Variants in PCDH15 observed in about 807,000 individuals in gnomAD.
The protein encoded by PCDH15 is protocadherin related 15, also known as protocadherin-15.
In PCDH15, 129 loss-of-function variants were observed where a neutral mutation model predicts 178.5. The ratio of observed to expected loss-of-function variants is 0.72; its 90% CI spans 0.63 to 0.84. The LOEUF is 0.84. Among genes scored for constraint, PCDH15 ranks in the 40% least tolerant of loss-of-function variants. The probability of loss-of-function intolerance (pLI) is 0.00; values close to 1 mark genes in which losing one functional copy is unlikely to be tolerated. For synonymous variants in PCDH15, 800 were observed against 732.0 expected, an observed-to-expected ratio of 1.09 and a Z score of -1.50; for missense variants, 2,230 against 2,099.9, an observed-to-expected ratio of 1.06 and a Z score of -1.21.
At chr10:55,518,382 G>A (rs902474129) in intron 2 of PCDH15, among the ~76,000 whole-genome samples, 1 of 152,066 alleles carries the variant, frequency 6.6e-6, no homozygotes, top group African/African-American at 2.4e-5. Context: ...GAACAAAGCA[G>A]GAGCACTGTC....
At chr10:54,151,290 C>T (rs1418796612) in intron 14 of PCDH15, among the ~76,000 whole-genome samples, 1 of 151,974 alleles carries the variant, frequency 6.6e-6, no homozygotes, top group Non-Finnish European at 1.5e-5. Context: ...CCAGTAATCC[C>T]AGCACTTTGG....
At chr10:54,533,653 A>G (rs1006115201) in intron 2 of PCDH15, among the ~76,000 whole-genome samples, 1 of 152,014 alleles carries the variant, frequency 6.6e-6, no homozygotes, top group African/African-American at 2.4e-5. Context: ...TTTTTTTGTC[A>G]TCTTAGAATT....
chr10:54,146,935 A>G (rs4480445), intron 14 of PCDH15, among the ~76,000 whole-genome samples: 17,283 of 61,236 alleles, frequency 0.28, 1,193 homozygotes, highest in South Asian at 0.4. Flanking sequence ...TATATATATA[A>G]TGTATATATA....
intron 1 of PCDH15, among the ~76,000 whole-genome samples, chr10:55,250,475 A>C (rs1841804896): frequency 6.9e-6 from 1 of 145,150 alleles, no homozygotes; most frequent in African/African-American, 2.5e-5. Flanking sequence ...TATCAGTCAG[A>C]CCCTTGTAAA....
At chr10:54,079,113 G>A (rs2135944892) in intron 17 of PCDH15, among the ~76,000 whole-genome samples, 1 of 152,298 alleles carries the variant, frequency 6.6e-6, no homozygotes, top group East Asian at 1.9e-4. Flanking sequence ...CTGATCTCAA[G>A]TATCTGTTCT....
intron 20 of PCDH15, among the ~76,000 whole-genome samples, chr10:54,005,931 A>G (rs968395759): frequency 6.6e-6 from 1 of 152,124 alleles, no homozygotes; most frequent in Non-Finnish European, 1.5e-5. Context: ...AGAATAATGG[A>G]GAAAGAAAAT....
intron 1 of PCDH15, among the ~76,000 whole-genome samples, chr10:54,714,940 T>C (rs1416793021): frequency 2.0e-5 from 3 of 152,172 alleles, no homozygotes; most frequent in African/African-American, 7.2e-5. Flanking sequence ...TTTATTTACA[T>C]TCAGTTTTGG....
At chr10:54,185,939 A>G (rs1224036242) in intron 11 of PCDH15, among the ~76,000 whole-genome samples, 1 of 152,104 alleles carries the variant, frequency 6.6e-6, no homozygotes, top group African/African-American at 2.4e-5. Flanking sequence ...AATGATATAT[A>G]CTTAAAAAGG....
intron 19 of PCDH15, 121 bp from the exon 20 acceptor site, chr10:54,020,537 G>A (rs144106642): frequency 5.9e-5 from 58 of 984,116 alleles, no homozygotes; most frequent in African/African-American, 5.2e-4. Flanking sequence ...AAAAAGACAC[G>A]TTTTTTGTTT....
At position 54,066,798 on chromosome 10, in the gene PCDH15, C is replaced by A; in HGVS notation, c.2179G>T (p.Val727Leu). The A allele has an allele frequency of 1.2e-6, 2 of 1,613,478 alleles. No homozygotes were observed. The highest frequency in any genetic ancestry group is 1.7e-6 in the Non-Finnish European group (2 of 1,179,618). Residue 727 changes from valine (V) to leucine (L), a missense_variant, in exon 18 of 38, where the codon GTG (valine) becomes TTG (leucine). Coordinates refer to ENST00000644397, the MANE Select transcript of PCDH15 (RefSeq NM_001384140.1). ...FDPYLPRNLS[V>L]VEEEANAFVG... ...AAGGCATTGGCTTCTTCTTCCACCA[C>A]AGATAAATTTCTTGGCAGATAAGGA...
At chr10:55,463,969 GAAAGAGAA>G (rs1839757728) in intron 2 of PCDH15, among the ~76,000 whole-genome samples, 9 of 35,466 alleles carry the variant, frequency 2.5e-4, no homozygotes, top group South Asian at 9.0e-4. Flanking sequence ...AAGAAAGAAA[GAAAGAGAA>G]AGAAAGAAAG....
At chr10:54,047,718 C>T (rs1476171217) in intron 18 of PCDH15, among the ~76,000 whole-genome samples, 1 of 152,080 alleles carries the variant, frequency 6.6e-6, no homozygotes, top group African/African-American at 2.4e-5. Flanking sequence ...TGGTCTCCAG[C>T]TGTATTCATG....
intron 8 of PCDH15, among the ~76,000 whole-genome samples, chr10:54,264,251 A>G (rs2057522609): frequency 1.3e-5 from 2 of 152,078 alleles, no homozygotes; most frequent in African/African-American, 4.8e-5. Flanking sequence ...CCTATAGAGA[A>G]CTCTGACTAA....
Position 53,806,895 on chromosome 10 carries a change from T to C in PCDH15, c.4907A>G (p.Lys1636Arg), listed in dbSNP as rs1841206693. The C allele has an allele frequency of 6.2e-7, 1 of 1,613,836 alleles. No individual in the cohort carries two copies. Among genetic ancestry groups the C allele is most frequent in the African/African-American group, 1.3e-5 (1 of 74,928 alleles). Reference protein sequence around the residue: ...ASPVRLGGPFKKLDKLAVTHE... With the variant: ...ASPVRLGGPFRKLDKLAVTHE... Reference sequence around the variant, plus strand: ...TGTCACTGCCAACTTGTCTAGTTTCTTAAAGGGCCCTCCCAGTCGAACAGG... The same window carrying C: ...TGTCACTGCCAACTTGTCTAGTTTCCTAAAGGGCCCTCCCAGTCGAACAGG... The change falls in exon 38 of 38, where the codon AAG becomes AGG. Residue 1636 changes from lysine to arginine, a missense_variant. Physicochemically the swap from Lys to Arg is conservative, Grantham distance 26. Transcript: ENST00000644397.
intron 1 of PCDH15, among the ~76,000 whole-genome samples, chr10:54,757,906 A>T (rs1382118635): frequency 6.6e-6 from 1 of 152,132 alleles, no homozygotes; most frequent in East Asian, 1.9e-4. Flanking sequence ...ATTCCTCAGG[A>T]GGTCTTATTG....
intron 30 of PCDH15, among the ~76,000 whole-genome samples, chr10:53,829,408 T>TGTGC: frequency 6.6e-6 from 1 of 152,338 alleles, no homozygotes; most frequent in African/African-American, 2.4e-5. Flanking sequence ...CATTGCATAC[T>TGTGC]GTGCCAAATA....
chr10:54,224,389 A>T (rs1192336827), intron 9 of PCDH15, among the ~76,000 whole-genome samples: 1 of 152,160 alleles, frequency 6.6e-6, no homozygotes, highest in African/African-American at 2.4e-5. Flanking sequence ...ATAGAAACAC[A>T]TGTCTAAGTT....
chr10:53,934,934 T>TA (rs145630861), intron 25 of PCDH15, among the ~76,000 whole-genome samples: 2,874 of 119,790 alleles, frequency 0.024, 80 homozygotes, highest in East Asian at 0.14. Context: ...GCCACATTAA[T>TA]AAAAAAAAAA....
chr10:55,351,096 C>T (rs1165806389), intron 2 of PCDH15, among the ~76,000 whole-genome samples: 6 of 138,768 alleles, frequency 4.3e-5, no homozygotes, highest in African/African-American at 1.6e-4. Flanking sequence ...CCTTCTTCTT[C>T]TCCTTCTTCT....
Sources: allele counts gnomAD v4.1 joint callset (sites outside exome capture counted in the v4.1 genomes callset), GRCh38; gene constraint gnomAD v4.1.1; transcripts MANE v1.5; gene names NCBI Gene and HGNC (gene_info 2026-07-23, HGNC 2026-07-21).